Variants in PAG1 observed in about 807,000 individuals in gnomAD.
The protein encoded by PAG1 is phosphoprotein membrane anchor with glycosphingolipid microdomains 1.
A neutral mutation model predicts 31.7 loss-of-function variants in PAG1; 23 were observed. The observed-to-expected ratio is 0.73, with a 90% confidence interval of 0.52 to 1.03. The LOEUF is 1.03. Ranked by LOEUF, PAG1 falls within the 50% of genes least tolerant of loss-of-function variation. PAG1 has a pLI of 0.00. For missense variants in PAG1, 473 were observed against 540.7 expected (o/e 0.87, Z 1.24); for synonymous variants, 214 against 210.3 (o/e 1.02, Z -0.15).
intron 7 of PAG1, among the ~76,000 whole-genome samples, chr8:80,983,540 C>T (rs1807353053): frequency 6.6e-6 from 1 of 152,078 alleles, no homozygotes; most frequent in Non-Finnish European, 1.5e-5. Flanking sequence ...TACTTCAAAC[C>T]CTCAACTCAC....
intron 1 of PAG1, among the ~76,000 whole-genome samples, chr8:81,098,241 G>C (rs1327126814): frequency 6.6e-6 from 1 of 152,086 alleles, no homozygotes; most frequent in Admixed American, 6.5e-5. Context: ...AAGACTAATG[G>C]GCTTGCTAAG....
intron 1 of PAG1, among the ~76,000 whole-genome samples, chr8:81,108,789 T>C (rs1028709914): frequency 3.9e-5 from 6 of 152,182 alleles, no homozygotes; most frequent in Non-Finnish European, 7.4e-5. Context: ...CTGCTTCCCA[T>C]GACATGGGGT....
intron 3 of PAG1, among the ~76,000 whole-genome samples, chr8:81,008,607 G>A (rs1807928246): frequency 6.7e-6 from 1 of 149,874 alleles, no homozygotes; most frequent in Admixed American, 6.7e-5. Context: ...ACTACTGTAA[G>A]AATTTAAAAG....
At position 80,984,882 on chromosome 8, in the gene PAG1, G is replaced by A. The variant is rs1807382203; in HGVS notation, c.770C>T (p.Pro257Leu). ...CAGAAGCTTAACAGGGACAGGTGGT[G>A]GGGCCTCCTCTTCTGGATCACATGA... ...GNSCDPEEEA[P>L]PPVPVKLLDE... The change falls in exon 7 of 9, where the codon CCA (proline) becomes CTA (leucine). Residue 257 changes from proline to leucine, a missense_variant. Physicochemically the swap from Pro to Leu is moderately conservative, Grantham distance 98 (BLOSUM62 -3). Coordinates refer to ENST00000220597, the MANE Select transcript of PAG1 (RefSeq NM_018440.4). 2 of 1,614,092 alleles carry A rather than the reference G, an allele frequency of 1.2e-6. No homozygotes were observed. Among genetic ancestry groups the A allele is most frequent in the Non-Finnish European group, 1.7e-6 (2 of 1,179,962 alleles).
At chr8:81,107,130 C>A (rs1454447585) in intron 1 of PAG1, among the ~76,000 whole-genome samples, 1 of 152,088 alleles carries the variant, frequency 6.6e-6, no homozygotes. Flanking sequence ...GCTCTACTAC[C>A]AGTTGAAGGC....
Position 80,969,229 on chromosome 8 carries a change from A to T in PAG1, c.*7315T>A, listed in dbSNP as rs1459571066. ...AACAAGACAAGTACTATACTCAAAAAGTAAAGTTAAAAAAAGCAAGCATGC... is the reference window on the plus strand; with the variant it reads ...AACAAGACAAGTACTATACTCAAAATGTAAAGTTAAAAAAAGCAAGCATGC... On this transcript the variant is annotated 3_prime_UTR_variant, in exon 9 of 9. Transcript: ENST00000220597. 1 of 137,352 alleles carries T rather than the reference A, an allele frequency of 7.3e-6. No homozygotes were observed. Among genetic ancestry groups the T allele is most frequent in the Non-Finnish European group, 1.6e-5 (1 of 62,722 alleles). 8.5% of individuals were successfully genotyped at this position (137,352 alleles called of 1,614,324 possible). A position where few individuals can be genotyped will look rare whatever the true frequency, so the allele number is the denominator to read the frequency against.
intron 3 of PAG1, among the ~76,000 whole-genome samples, chr8:81,027,095 C>T (rs2130769825): frequency 6.6e-6 from 1 of 152,184 alleles, no homozygotes; most frequent in Admixed American, 6.5e-5. Context: ...ACTGCAGCCT[C>T]TGCCTCCCAG....
chr8:81,043,802 G>C (rs1339968787), intron 2 of PAG1, among the ~76,000 whole-genome samples: 1 of 152,152 alleles, frequency 6.6e-6, no homozygotes, highest in Non-Finnish European at 1.5e-5. Context: ...TTAATATACA[G>C]TATGTAATGG....
intron 2 of PAG1, among the ~76,000 whole-genome samples, chr8:81,059,136 C>T (rs1442979671): frequency 6.6e-6 from 1 of 151,976 alleles, no homozygotes; most frequent in Non-Finnish European, 1.5e-5. Flanking sequence ...ACACATCCTC[C>T]CATGTACTTT....
Position 80,993,093 on chromosome 8 carries a change from T to G in PAG1, c.125+10A>C. 6.2e-7 allele frequency: 1 copy of G among 1,612,492 alleles called. No homozygotes were observed. Among genetic ancestry groups the G allele is most frequent in the Non-Finnish European group, 8.5e-7 (1 of 1,179,124 alleles). On this transcript the variant is annotated intron_variant, in intron 4 of 8. Coordinates refer to ENST00000220597, the MANE Select transcript of PAG1 (RefSeq NM_018440.4). Reference sequence around the variant, plus strand: ...GTTTAAGGCACAGGTATATACACTCTGGTTCTCACCTGTCACAACTAGAGC... The same window carrying G: ...GTTTAAGGCACAGGTATATACACTCGGGTTCTCACCTGTCACAACTAGAGC...
intron 3 of PAG1, among the ~76,000 whole-genome samples, chr8:81,027,904 CA>C (rs35780204): frequency 0.14 from 7,362 of 52,888 alleles, 147 homozygotes; most frequent in African/African-American, 0.23. Context: ...GACTCCGTCT[CA>C]AAAAAAAAAA....
chr8:81,021,853 A>G (rs1296627774), intron 3 of PAG1, among the ~76,000 whole-genome samples: 1 of 152,214 alleles, frequency 6.6e-6, no homozygotes, highest in Non-Finnish European at 1.5e-5. Flanking sequence ...GAGAATTTAA[A>G]GTAATAAAAG....
rs572494159 is a variant in PAG1, at chr8:81,081,229, T to G, written c.-233-11059A>C. ...AAACAAATTAAAAAAAAAAACAGAC[T>G]TTAGAAGAGGCAACTTCGTACTAAC... On this transcript the variant is annotated intron_variant, in intron 1 of 8. Coordinates refer to ENST00000220597, the MANE Select transcript of PAG1 (RefSeq NM_018440.4). Among the ~76,000 whole-genome samples the G allele has an allele frequency of 6.6e-5, 10 of 152,128 alleles. No homozygotes were observed. In the South Asian group the frequency reaches 2.1e-3, roughly 32 times the overall value.
chr8:81,040,811 C>T (rs1389182105), intron 2 of PAG1: 1 of 151,992 alleles, frequency 6.6e-6, no homozygotes, highest in Non-Finnish European at 1.5e-5. Flanking sequence ...TACTGCAGAC[C>T]TTTGGCTATC....
chr8:81,032,415 C>T (rs1229440380), intron 2 of PAG1, among the ~76,000 whole-genome samples: 1 of 152,004 alleles, frequency 6.6e-6, no homozygotes, highest in Non-Finnish European at 1.5e-5. Flanking sequence ...AGACACTTCT[C>T]CAAAAAAGAT....
chr8:81,021,030 A>C (rs1337956345), intron 3 of PAG1, among the ~76,000 whole-genome samples: 1 of 152,272 alleles, frequency 6.6e-6, no homozygotes, highest in Non-Finnish European at 1.5e-5. Flanking sequence ...AGCCCAGATC[A>C]TCTGAGCCTG....
intron 3 of PAG1, among the ~76,000 whole-genome samples, chr8:81,006,644 A>T (rs7830443): frequency 0.62 from 93,321 of 151,482 alleles, 29,399 homozygotes; most frequent in Admixed American, 0.69. Context: ...CTTTAAAATC[A>T]CACTGTCTTC....
chr8:81,076,297 G>T (rs1163166391), intron 1 of PAG1, among the ~76,000 whole-genome samples: 1 of 152,162 alleles, frequency 6.6e-6, no homozygotes, highest in East Asian at 1.9e-4. Flanking sequence ...TTCCTTCTTG[G>T]TATCACCTAA....
chr8:81,037,142 G>T (rs1429191742), intron 2 of PAG1: 1 of 152,144 alleles, frequency 6.6e-6, no homozygotes, highest in Admixed American at 6.5e-5. Context: ...CTCTTCAGTG[G>T]TGTGGTTTAA....
Sources: allele counts gnomAD v4.1 joint callset (sites outside exome capture counted in the v4.1 genomes callset), GRCh38; gene constraint gnomAD v4.1.1; transcripts MANE v1.5; gene names NCBI Gene and HGNC (gene_info 2026-07-23, HGNC 2026-07-21).